Variants in OPCML observed in about 807,000 individuals in gnomAD.
OPCML encodes the protein opioid binding protein/cell adhesion molecule like, also known as opioid-binding protein/cell adhesion molecule.
In OPCML, 13 loss-of-function variants were observed where a neutral mutation model predicts 37.8. The observed-to-expected ratio is 0.34, with a 90% CI of 0.22 to 0.55. The LOEUF (loss-of-function observed/expected upper bound fraction) is 0.55. Among genes scored for constraint, OPCML ranks in the 20% least tolerant of loss-of-function variants. The pLI is 0.91. For synonymous variants in OPCML, 176 were observed against 168.8 expected (o/e 1.04, Z -0.33); for missense variants, 341 against 435.6 (o/e 0.78, Z 1.93).
intron 4 of OPCML, among the ~76,000 whole-genome samples, chr11:132,448,966 A>C (rs1429459590): frequency 6.6e-6 from 1 of 152,206 alleles, no homozygotes; most frequent in Non-Finnish European, 1.5e-5. Context: ...ATGGTCTATG[A>C]CTAAGGAACC....
At chr11:132,581,253 G>A (rs114815227) in intron 3 of OPCML, among the ~76,000 whole-genome samples, 27 of 152,114 alleles carry the variant, frequency 1.8e-4, no homozygotes, top group Non-Finnish European at 3.4e-4. Flanking sequence ...ATTTAATTTT[G>A]TGTTTCCAGC....
chr11:132,696,051 A>G (rs974954992), intron 2 of OPCML, among the ~76,000 whole-genome samples: 1 of 152,196 alleles, frequency 6.6e-6, no homozygotes, highest in Non-Finnish European at 1.5e-5. Context: ...CACAAAACAC[A>G]GACAGCCCAC....
intron 2 of OPCML, among the ~76,000 whole-genome samples, chr11:132,746,275 G>T (rs1424354534): frequency 6.6e-6 from 1 of 151,908 alleles, no homozygotes; most frequent in Non-Finnish European, 1.5e-5. Flanking sequence ...AAAGACCTCT[G>T]GTTATTTTTG....
chr11:132,975,620 C>T (rs1048272130), intron 1 of OPCML, among the ~76,000 whole-genome samples: 6 of 131,816 alleles, frequency 4.6e-5, no homozygotes, highest in African/African-American at 1.7e-4. Flanking sequence ...TTACTAAGTC[C>T]TGTAAAATCT....
At chr11:132,742,154 C>T (rs1476720314) in intron 2 of OPCML, among the ~76,000 whole-genome samples, 3 of 152,056 alleles carry the variant, frequency 2.0e-5, no homozygotes, top group Non-Finnish European at 2.9e-5. Flanking sequence ...GTGACGTAAC[C>T]GCAGTCGTAT....
chr11:132,814,290 T>C (rs1354161241), intron 2 of OPCML, among the ~76,000 whole-genome samples: 1 of 152,170 alleles, frequency 6.6e-6, no homozygotes, highest in African/African-American at 2.4e-5. Context: ...GAGATGTATT[T>C]ATTATGAGAA....
intron 1 of OPCML, among the ~76,000 whole-genome samples, chr11:133,146,963 G>T (rs1429842654): frequency 6.6e-6 from 1 of 152,138 alleles, no homozygotes; most frequent in Non-Finnish European, 1.5e-5. Context: ...AGAAGCCGTG[G>T]TGCCTTCCCC....
At chr11:132,955,972 ATAG>A (rs1428713881) in intron 1 of OPCML, among the ~76,000 whole-genome samples, 3 of 152,222 alleles carry the variant, frequency 2.0e-5, no homozygotes, top group Non-Finnish European at 4.4e-5. Context: ...TTCCTGGCAT[ATAG>A]TAGGTTTCCA....
At chr11:132,881,068 C>T (rs759804003) in intron 2 of OPCML, among the ~76,000 whole-genome samples, 24 of 152,212 alleles carry the variant, frequency 1.6e-4, no homozygotes, top group Non-Finnish European at 2.2e-4. Flanking sequence ...GGGTCTCAGA[C>T]AAGTTGCCCA....
chr11:133,302,039 T>C (rs2136567629), intron 1 of OPCML: 1 of 152,308 alleles, frequency 6.6e-6, no homozygotes, highest in Non-Finnish European at 1.5e-5. Flanking sequence ...CCAAGGTCAA[T>C]GCAAGACTTT....
intron 2 of OPCML, among the ~76,000 whole-genome samples, chr11:132,716,760 T>C (rs1275207726): frequency 6.6e-6 from 1 of 152,180 alleles, no homozygotes; most frequent in Non-Finnish European, 1.5e-5. Context: ...CAGATAGATC[T>C]AAAACTGAAG....
chr11:132,774,756 C>T (rs1314066030), intron 2 of OPCML, among the ~76,000 whole-genome samples: 1 of 152,212 alleles, frequency 6.6e-6, no homozygotes, highest in Non-Finnish European at 1.5e-5. Context: ...CCCATCAAGA[C>T]AGCGACTGCC....
At chr11:133,455,646 T>G (rs1362166534) in intron 1 of OPCML, among the ~76,000 whole-genome samples, 1 of 152,134 alleles carries the variant, frequency 6.6e-6, no homozygotes, top group Non-Finnish European at 1.5e-5. Context: ...ATGCCTTCCT[T>G]TTGCCAGGTA....
At chr11:132,624,665 G>A (rs1939633672) in intron 3 of OPCML, among the ~76,000 whole-genome samples, 1 of 151,946 alleles carries the variant, frequency 6.6e-6, no homozygotes, top group South Asian at 2.1e-4. Flanking sequence ...CTCCATGTTG[G>A]TCTCATTGAT....
chr11:132,897,231 C>T (rs188963950), intron 2 of OPCML, among the ~76,000 whole-genome samples: 19 of 152,286 alleles, frequency 1.2e-4, no homozygotes, highest in African/African-American at 4.6e-4. Context: ...GATTTTGGAG[C>T]AAGGCTCTGC....
chr11:133,059,386 A>G (rs187722019), intron 1 of OPCML, among the ~76,000 whole-genome samples: 62 of 152,310 alleles, frequency 4.1e-4, no homozygotes, highest in African/African-American at 1.4e-3. Flanking sequence ...ACATTAGGAC[A>G]TTATTTGCCT....
chr11:132,864,092 C>A (rs997355971), intron 2 of OPCML, among the ~76,000 whole-genome samples: 2 of 152,132 alleles, frequency 1.3e-5, no homozygotes, highest in African/African-American at 4.8e-5. Context: ...CATGCGCCAC[C>A]AAGCCTGGCT....
At chr11:133,120,225 TACAA>T (rs1949399353) in intron 1 of OPCML, among the ~76,000 whole-genome samples, 1 of 152,168 alleles carries the variant, frequency 6.6e-6, no homozygotes, top group South Asian at 2.1e-4. Context: ...TGTGTATACA[TACAA>T]ACACACATAC....
At chr11:132,938,790 G>A (rs1194101574) in intron 2 of OPCML, among the ~76,000 whole-genome samples, 1 of 152,130 alleles carries the variant, frequency 6.6e-6, no homozygotes, top group South Asian at 2.1e-4. Flanking sequence ...TGGAAAGCAG[G>A]GACGCTGGAT....
Sources: gnomAD v4.1 joint callset for allele counts (sites outside exome capture counted in the v4.1 genomes callset) on GRCh38, gnomAD v4.1.1 for gene constraint, MANE v1.5 for transcripts, NCBI Gene and HGNC (gene_info 2026-07-23, HGNC 2026-07-21) for gene names.